Variants in PARD3B observed in about 807,000 individuals in gnomAD.
PARD3B encodes partitioning defective 3 homolog B.
A neutral mutation model predicts 130.2 loss-of-function variants in PARD3B; 103 were observed. That is an observed-to-expected ratio of 0.79 (90% CI 0.67 to 0.93). The LOEUF is 0.93. PARD3B is among the 40% of genes least tolerant of loss of function. The pLI is 0.00. For missense variants in PARD3B, 1,609 were observed against 1,499.2 expected, an observed-to-expected ratio of 1.07 and a Z score of -1.21; for synonymous variants, 583 against 553.2, an observed-to-expected ratio of 1.05 and a Z score of -0.76.
chr2:205,401,321 G>A (rs937338073), intron 19 of PARD3B, among the ~76,000 whole-genome samples, 198 bp downstream of exon 19: 1 of 152,092 alleles, frequency 6.6e-6, no homozygotes, highest in Non-Finnish European at 1.5e-5. Flanking sequence ...TTTGCTTCAT[G>A]TTTTTACTAT....
At chr2:205,217,849 T>G (rs1310753664) in intron 15 of PARD3B, among the ~76,000 whole-genome samples, 2 of 68,744 alleles carry the variant, frequency 2.9e-5, no homozygotes, top group African/African-American at 1.6e-4. Context: ...TGTATATGTG[T>G]GTGTGTGTGT....
chr2:205,289,805 T>C (rs535808323), intron 16 of PARD3B, among the ~76,000 whole-genome samples: 79 of 152,284 alleles, frequency 5.2e-4, no homozygotes, highest in African/African-American at 1.9e-3. Flanking sequence ...TAAAAGCTAG[T>C]TTGGCCATCT....
At chr2:205,302,065 C>CTTTTTTTTTTTTTTTTTTTTT (rs3048088) in intron 18 of PARD3B, among the ~76,000 whole-genome samples, 8 of 77,778 alleles carry the variant, frequency 1.0e-4, no homozygotes, top group Admixed American at 2.1e-4. Context: ...TTTTTCTTTT[C>CTTTTTTTTTTTTTTTTTTTTT]TTTTTTTTTT....
rs540803798 is a variant in PARD3B at position 205,265,105 on chromosome 2, A to G, written c.2185+19283A>G. 7.8e-4 allele frequency among the ~76,000 whole-genome samples: 111 copies of G among 141,744 alleles called. 2 individuals are homozygous for G. The highest frequency in any genetic ancestry group is 2.6e-3 in the African/African-American group (101 of 38,832). 93.0% of individuals were successfully genotyped at this position (141,744 alleles called of 152,430 possible). On this transcript the variant is annotated intron_variant, in intron 16 of 22. Transcript: ENST00000406610. The surrounding 1 kb of genome is among the most constrained non-coding windows in gnomAD (Gnocchi z 4.3). ...GATGTGGCACCAATAGCTTACTTCA[A>G]ATAAATTAATACTTCATTTTTTAGG... is the stretch of plus-strand genomic sequence containing the variant.
chr2:205,176,343 T>C lies in PARD3B; in HGVS notation c.1792-102T>C. The C allele has an allele frequency of 8.3e-7, 1 of 1,203,330 alleles. No individual in the cohort carries two copies. The highest frequency in any genetic ancestry group is 1.1e-6 in the Non-Finnish European group (1 of 877,692). The allele number at this position is 1,203,330 out of a possible 1,614,324, so 74.5% of individuals were successfully genotyped here. A position where few individuals can be genotyped will look rare whatever the true frequency, so the allele number is the denominator to read the frequency against. ...TTGAGGACTTAAGTGTAATAGACTC[T>C]TGAAAGACTATTCATACAGCGATCA... On this transcript the variant is annotated intron_variant, in intron 12 of 22. Coordinates refer to ENST00000406610, the MANE Select transcript of PARD3B (RefSeq NM_001302769.2). The surrounding 1 kb of genome is among the most constrained non-coding windows in gnomAD (Gnocchi z 5.3).
chr2:204,843,793 C>T (rs561957334), intron 2 of PARD3B, among the ~76,000 whole-genome samples: 5 of 152,254 alleles, frequency 3.3e-5, no homozygotes, highest in Admixed American at 1.3e-4. Flanking sequence ...TCAAAACATA[C>T]TTTTGTACTT....
rs1020685382 is a variant in PARD3B, at chr2:205,078,677, T to G, written c.505-25749T>G. On this transcript the variant is annotated intron_variant, in intron 4 of 22. Transcript: ENST00000406610. The surrounding 1 kb of genome is among the most constrained non-coding windows in gnomAD (Gnocchi z 4.0). ...GTCTAATGTCCTCTCTTCTTGAATC[T>G]GGACTGGCCCAGTGACTTAATTGAA... is the stretch of plus-strand genomic sequence containing the variant. 2.6e-5 allele frequency among the ~76,000 whole-genome samples: 4 copies of G among 152,232 alleles called. No individual in the cohort carries two copies. The highest frequency in any genetic ancestry group is 5.9e-5 in the Non-Finnish European group (4 of 68,040).
chr2:204,801,071 A>G (rs192452115), intron 2 of PARD3B, among the ~76,000 whole-genome samples: 320 of 152,168 alleles, frequency 2.1e-3, no homozygotes, highest in Non-Finnish European at 3.6e-3. Context: ...ATTGGTCTAC[A>G]TATCTGTTTT....
Position 205,558,394 on chromosome 2 carries a change from C to T in PARD3B, c.3260+4991C>T, listed in dbSNP as rs545006674. On this transcript the variant is annotated intron_variant, in intron 22 of 22. Transcript: ENST00000406610. The surrounding 1 kb of genome is among the most constrained non-coding windows in gnomAD (Gnocchi z 4.8). ...TAAGATACTCCTATTATCTCAGGACCGGGCAGTGCTGAACATGCAACTACC... is the reference window on the plus strand; with the variant it reads ...TAAGATACTCCTATTATCTCAGGACTGGGCAGTGCTGAACATGCAACTACC... 2.6e-5 allele frequency among the ~76,000 whole-genome samples: 4 copies of T among 152,232 alleles called. No individual in the cohort carries two copies. Among genetic ancestry groups the T allele is most frequent in the East Asian group, 1.9e-4 (1 of 5,170 alleles).
intron 2 of PARD3B, among the ~76,000 whole-genome samples, chr2:204,738,298 T>C (rs1037328413): frequency 3.3e-5 from 5 of 152,158 alleles, no homozygotes; most frequent in African/African-American, 9.7e-5. Context: ...CCGCATTACA[T>C]ATGTTCTTAG....
intron 20 of PARD3B, among the ~76,000 whole-genome samples, chr2:205,496,849 A>G (rs1190164138): frequency 4.7e-5 from 7 of 150,008 alleles, no homozygotes; most frequent in African/African-American, 1.7e-4. Flanking sequence ...ACTTCATTCT[A>G]CTTGAATTCA....
intron 2 of PARD3B, among the ~76,000 whole-genome samples, chr2:204,836,180 A>G (rs980193397): frequency 6.6e-5 from 10 of 152,328 alleles, no homozygotes; most frequent in African/African-American, 2.4e-4. Context: ...AAAATTAAGT[A>G]TATAGATACT....
At chr2:205,552,110 C>A (rs2052672387) in intron 21 of PARD3B, among the ~76,000 whole-genome samples, 1 of 152,106 alleles carries the variant, frequency 6.6e-6, no homozygotes, top group African/African-American at 2.4e-5. Context: ...ATTAAGAAAC[C>A]AACACACAGT....
intron 1 of PARD3B, among the ~76,000 whole-genome samples, chr2:204,579,307 A>G (rs941205724): frequency 6.6e-6 from 1 of 151,960 alleles, no homozygotes; most frequent in Non-Finnish European, 1.5e-5. Context: ...TCCAGGGTCT[A>G]GTAAGGCCAG....
At chr2:205,501,555 A>G (rs541740737) in intron 21 of PARD3B, among the ~76,000 whole-genome samples, 1 of 152,362 alleles carries the variant, frequency 6.6e-6, no homozygotes, top group Admixed American at 6.5e-5. Flanking sequence ...TCGATAAGCC[A>G]AACAAGCAAT....
rs1335496235 is a variant in PARD3B at position 205,287,704 on chromosome 2, A to G, written c.2186-12826A>G. 6.6e-6 allele frequency among the ~76,000 whole-genome samples: 1 copy of G among 152,162 alleles called. No individual in the cohort carries two copies. Among genetic ancestry groups the G allele is most frequent in the African/African-American group, 2.4e-5 (1 of 41,436 alleles). ...CCGGCTAGGAAAAAGAATGGATGTC[A>G]GCACTCGGGGGAGAAAAGAGAGACA... On this transcript the variant is annotated intron_variant, in intron 16 of 22. Coordinates refer to ENST00000406610, the MANE Select transcript of PARD3B (RefSeq NM_001302769.2). The surrounding 1 kb of genome is among the most constrained non-coding windows in gnomAD (Gnocchi z 4.8).
At chr2:205,127,553 T>C (rs567921451) in intron 10 of PARD3B, among the ~76,000 whole-genome samples, 1 of 152,302 alleles carries the variant, frequency 6.6e-6, no homozygotes. Context: ...TTATCAAATA[T>C]GTAAAGAGTT....
intron 16 of PARD3B, among the ~76,000 whole-genome samples, chr2:205,272,536 C>A (rs770540169): frequency 1.3e-5 from 2 of 152,040 alleles, no homozygotes; most frequent in Non-Finnish European, 2.9e-5. Flanking sequence ...AGTGGCTTAA[C>A]TAAAAAAAGG....
intron 1 of PARD3B, among the ~76,000 whole-genome samples, chr2:204,599,558 A>G (rs1163215436): frequency 2.6e-5 from 4 of 152,006 alleles, no homozygotes; most frequent in Non-Finnish European, 4.4e-5. Flanking sequence ...CATTGTGTAT[A>G]TATGCCACAT....
Sources: allele counts gnomAD v4.1 joint callset (sites outside exome capture counted in the v4.1 genomes callset), GRCh38; gene constraint gnomAD v4.1.1; non-coding constraint Gnocchi (gnomAD v3.1); transcripts MANE v1.5; gene names NCBI Gene and HGNC (gene_info 2026-07-23, HGNC 2026-07-21).